GANAB: variants seen among roughly 807,000 people sequenced by gnomAD.
GANAB encodes the protein glucosidase II alpha subunit.
In GANAB, 35 loss-of-function variants were observed where a neutral mutation model predicts 129.9. The observed-to-expected ratio is 0.27, with a 90% CI of 0.21 to 0.36. GANAB has a LOEUF of 0.36. Ranked by LOEUF, GANAB falls within the 10% of genes least tolerant of loss-of-function variation. The pLI is 1.00. For synonymous variants in GANAB, 482 were observed against 451.8 expected (o/e 1.07, Z -0.85); for missense variants, 939 against 1,221.0 (o/e 0.77, Z 3.44).
rs1042405057 is a variant in GANAB, at chr11:62,641,614, T to A, written c.39-1883A>T. On this transcript the variant is annotated intron_variant, in intron 1 of 23. Coordinates refer to ENST00000356638, the MANE Select transcript of GANAB (RefSeq NM_198334.3). ...GTTTTTTGCTTTGAGACAGTCTCAC[T>A]CCATCACCCTGGCTAGAGTGCCATG... 1.1e-4 allele frequency among the ~76,000 whole-genome samples: 17 copies of A among 152,204 alleles called. No homozygotes were observed. In the East Asian group the frequency reaches 1.7e-3, roughly 16 times the overall value.
chr11:62,626,359 A>T lies in GANAB; in HGVS notation c.2600T>A (p.Phe867Tyr). The T allele has an allele frequency of 2.5e-6, 4 of 1,612,042 alleles. No homozygotes were observed. Among genetic ancestry groups the T allele is most frequent in the Non-Finnish European group, 3.4e-6 (4 of 1,178,072 alleles). Reference sequence around the variant, plus strand: ...CCTGGAGACAAGGGTGTTGCCAGAGAATGAGAATCGACGCAGCAGGAACTC... The same window carrying T: ...CCTGGAGACAAGGGTGTTGCCAGAGTATGAGAATCGACGCAGCAGGAACTC... ...RQEFLLRRFS[F>Y]SGNTLVSSSA... is the part of the protein sequence containing the mutation. The change falls in exon 22 of 24, where the codon TTC (phenylalanine) becomes TAC (tyrosine). Residue 867 changes from phenylalanine to tyrosine, a missense_variant. By Grantham distance (22) the Phe-to-Tyr change is conservative. This residue lies in a region of GANAB where 230 missense variants were observed against 259.9 expected (regional missense o/e 0.89). Transcript: ENST00000356638.
At chr11:62,646,130 T>C (rs549390985) in intron 1 of GANAB, among the ~76,000 whole-genome samples, 5 of 152,290 alleles carry the variant, frequency 3.3e-5, no homozygotes, top group African/African-American at 1.2e-4. Context: ...TAGTACAGGC[T>C]TAACTGCTGG....
At position 62,627,006 on chromosome 11, in the gene GANAB, G is replaced by A. The variant is rs1270508544; in HGVS notation, c.2322+42C>T. ...GGGTCCCGTCCTGTTTGCCTCCTTT[G>A]GCTTCCACCATCTTTCCCCACCATG... On this transcript the variant is annotated intron_variant, in intron 19 of 23. Transcript: ENST00000356638. The A allele has an allele frequency of 2.5e-6, 4 of 1,590,884 alleles. No homozygotes were observed. The Admixed American group carries it at 5.0e-5, about 20-fold the overall frequency.
At chr11:62,626,035 C>T in intron 23 of GANAB, 30 bp downstream of exon 23, 2 of 1,557,654 alleles carry the variant, frequency 1.3e-6, no homozygotes, top group South Asian at 2.2e-5. Flanking sequence ...CCCTCCTTCC[C>T]CCATCCTAGG....
At chr11:62,637,654 G>A (rs1944002910) in intron 4 of GANAB, among the ~76,000 whole-genome samples, 1 of 151,912 alleles carries the variant, frequency 6.6e-6, no homozygotes, top group South Asian at 2.1e-4. Flanking sequence ...AATCAGTTGG[G>A]GTATATTCAT....
Position 62,630,447 on chromosome 11 carries a change from T to A in GANAB, c.1445A>T (p.Glu482Val). 2 of 1,614,144 alleles carry A rather than the reference T, an allele frequency of 1.2e-6. No homozygotes were observed. The highest frequency in any genetic ancestry group is 2.2e-5 in the East Asian group (1 of 44,892). The change falls in exon 12 of 24, where the codon GAG becomes GTG. Residue 482 changes from glutamate to valine, a missense_variant. Physicochemically the swap from Glu to Val is moderately radical, Grantham distance 121 (BLOSUM62 -2). This residue lies in a region of GANAB where 220 missense variants were observed against 295.9 expected (regional missense o/e 0.74). Coordinates refer to ENST00000356638, the MANE Select transcript of GANAB (RefSeq NM_198334.3). Reference protein sequence around the residue: ...KVDSGYRVHEELRNLGLYVKT... With the variant: ...KVDSGYRVHEVLRNLGLYVKT... ...AACATACAGCCCCAGGTTCCGCAGC[T>A]CCTCGTGAACTCGGTAGCCGGAGTC...
Position 62,626,467 on chromosome 11 carries a change from G to A in GANAB, c.2512-20C>T, listed in dbSNP as rs572054260. ...TGTACCCTGAGCAAGAAGTGGGATA[G>A]GTGAGCGCCTGAGCCCAAGAGGGAG... On this transcript the variant is annotated intron_variant, in intron 21 of 23. Coordinates refer to ENST00000356638, the MANE Select transcript of GANAB (RefSeq NM_198334.3). 4 of 1,566,362 alleles carry A rather than the reference G, an allele frequency of 2.6e-6. No homozygotes were observed. Among genetic ancestry groups the A allele is most frequent in the South Asian group, 2.2e-5 (2 of 90,136 alleles).
chr11:62,626,802 CT>C, intron 20 of GANAB, 57 bp downstream of exon 20: 1 of 1,398,600 alleles, frequency 7.2e-7, no homozygotes, highest in Non-Finnish European at 1.0e-6. Flanking sequence ...CACACATTCC[CT>C]CCCCTTCTGG....
intron 17 of GANAB, among the ~76,000 whole-genome samples, chr11:62,628,290 C>CT (rs1278181158): frequency 2.9e-5 from 4 of 140,338 alleles, no homozygotes; most frequent in Non-Finnish European, 6.0e-5. Context: ...AATCTCGGCT[C>CT]ACTGCAACCT....
Position 62,626,925 on chromosome 11 carries a change from C to T in GANAB, c.2332G>A (p.Asp778Asn). Residue 778 changes from aspartate (D) to asparagine (N), a missense_variant, in exon 20 of 24, where the codon GAC becomes AAC. Around this residue, in one of 5 missense-constraint regions of GANAB, gnomAD observed 230 missense variants for 259.9 expected, o/e 0.89. Transcript: ENST00000356638. ...YLPGQGEVWYDIQSYQKHHGP... is the reference protein window; with the variant it reads ...YLPGQGEVWYNIQSYQKHHGP... ...TGATGCTTCTGGTAGCTTTGAATGT[C>T]ATACCACACCTGTGAGTGACAAAAG... The T allele has an allele frequency of 6.2e-7, 1 of 1,611,314 alleles. No homozygotes were observed. Among genetic ancestry groups the T allele is most frequent in the Non-Finnish European group, 8.5e-7 (1 of 1,177,460 alleles).
chr11:62,626,134 G>A lies in GANAB; in HGVS notation c.2656C>T (p.Pro886Ser). 6.2e-7 allele frequency: 1 copy of A among 1,613,624 alleles called. No individual in the cohort carries two copies. Among genetic ancestry groups the A allele is most frequent in the Non-Finnish European group, 8.5e-7 (1 of 1,179,512 alleles). The change falls in exon 23 of 24, where the codon CCA (proline) becomes TCA (serine). Residue 886 changes from proline (P) to serine (S), a missense_variant. By Grantham distance (74) the Pro-to-Ser change is moderately conservative (BLOSUM62 -1). Coordinates refer to ENST00000356638, the MANE Select transcript of GANAB (RefSeq NM_198334.3). Reference protein sequence around the residue: ...SADPEGHFETPIWIERVVIIG... With the variant: ...SADPEGHFETSIWIERVVIIG... Reference sequence around the variant, plus strand: ...ATCACCACCCGCTCAATCCAGATTGGTGTCTCAAAGTGTCCTTCAGGGTCT... The same window carrying A: ...ATCACCACCCGCTCAATCCAGATTGATGTCTCAAAGTGTCCTTCAGGGTCT...
Position 62,630,619 on chromosome 11 carries a change from C to G in GANAB, c.1368G>C (p.Leu456Phe), listed in dbSNP as rs1161277839. 1 of 1,612,214 alleles carries G rather than the reference C, an allele frequency of 6.2e-7. No homozygotes were observed. The highest frequency in any genetic ancestry group is 8.5e-7 in the Non-Finnish European group (1 of 1,178,418). The change falls in exon 11 of 24, where the codon TTG (leucine) becomes TTC (phenylalanine). Residue 456 changes from leucine to phenylalanine, a missense_variant. Leu to Phe is a conservative substitution (Grantham distance 22, BLOSUM62 0). This residue lies in a region of GANAB where 220 missense variants were observed against 295.9 expected (regional missense o/e 0.74). Coordinates refer to ENST00000356638, the MANE Select transcript of GANAB (RefSeq NM_198334.3). ...FPQPRTMLER[L>F]ASKRRKLVAI... Reference sequence around the variant, plus strand: ...CCCTTACCTTCCGCCTCTTAGAAGCCAAGCGCTCAAGCATGGTGCGGGGCT... The same window carrying G: ...CCCTTACCTTCCGCCTCTTAGAAGCGAAGCGCTCAAGCATGGTGCGGGGCT...
chr11:62,639,920 G>T, intron 1 of GANAB, 189 bp from the exon 2 acceptor site: 1 of 573,826 alleles, frequency 1.7e-6, no homozygotes. Context: ...TGAGAAGTTG[G>T]CTCACTCACA....
chr11:62,628,514 C>G (rs1262383020), intron 17 of GANAB, among the ~76,000 whole-genome samples: 1 of 151,936 alleles, frequency 6.6e-6, no homozygotes, highest in Non-Finnish European at 1.5e-5. Flanking sequence ...TGCCCGGCCT[C>G]AAAAAGGGAT....
At chr11:62,639,882 G>A (rs1944147245) in intron 1 of GANAB, 151 bp from the exon 2 acceptor site, 1 of 623,872 alleles carries the variant, frequency 1.6e-6, no homozygotes, top group East Asian at 2.8e-5. Flanking sequence ...AAACAAGGCA[G>A]AGTGGACACA....
In GANAB at chr11:62,634,910, G is replaced by A. The variant is rs1943873285; in HGVS notation, c.471C>T (p.Arg157=). The change falls in exon 5 of 24, where the codon CGC becomes CGT. Residue 157 remains arginine (R), a synonymous_variant. Transcript: ENST00000356638. ...YKIILTARPF[R]LDLLEDRSLL... is the part of the protein sequence containing the mutation. ...GACTTCGGTCCTCTAGTAGGTCAAG[G>A]CGGAATGGCCGTGCTGTCAAGATGA... 1.9e-6 allele frequency: 3 copies of A among 1,613,838 alleles called. No individual in the cohort carries two copies. Among genetic ancestry groups the A allele is most frequent in the Non-Finnish European group, 2.5e-6 (3 of 1,179,694 alleles).
At chr11:62,643,879 C>A (rs1944367377) in intron 1 of GANAB, among the ~76,000 whole-genome samples, 1 of 152,212 alleles carries the variant, frequency 6.6e-6, no homozygotes, top group African/African-American at 2.4e-5. Flanking sequence ...CATCTTTCCA[C>A]CTTGGCCTTC....
At chr11:62,641,491 AAAAT>A (rs1166457218) in intron 1 of GANAB, among the ~76,000 whole-genome samples, 1 of 152,098 alleles carries the variant, frequency 6.6e-6, no homozygotes, top group Non-Finnish European at 1.5e-5. Context: ...AAGCTGAAAA[AAAAT>A]AACAATAGCT....
intron 4 of GANAB, among the ~76,000 whole-genome samples, chr11:62,636,378 A>C (rs944796366): frequency 8.5e-5 from 13 of 152,066 alleles, no homozygotes; most frequent in African/African-American, 3.1e-4. Flanking sequence ...AGGCAGGTGG[A>C]TCGCTTGAGC....
Sources: allele counts gnomAD v4.1 joint callset (sites outside exome capture counted in the v4.1 genomes callset), GRCh38; gene constraint gnomAD v4.1.1; regional missense constraint gnomAD v4.1.1; transcripts MANE v1.5; gene names NCBI Gene and HGNC (gene_info 2026-07-23, HGNC 2026-07-21).